Variants in ADGRD1 observed in about 807,000 individuals in gnomAD.
The protein encoded by ADGRD1 is G-protein coupled receptor 133.
ADGRD1 carries 77 observed loss-of-function variants against 113.4 expected under a neutral mutation model. The observed-to-expected ratio is 0.68, with a 90% CI of 0.57 to 0.82. The LOEUF (loss-of-function observed/expected upper bound fraction) is 0.82, where lower values mean the gene tolerates loss of function less well. ADGRD1 is among the 40% of genes least tolerant of loss of function. ADGRD1 has a pLI of 0.00. For missense variants in ADGRD1, 1,036 were observed against 1,139.1 expected, an observed-to-expected ratio of 0.91 and a Z score of 1.30; for synonymous variants, 474 against 475.0, an observed-to-expected ratio of 1.00 and a Z score of 0.03.
chr12:130,987,076 G>A lies in ADGRD1; in HGVS notation c.491-19G>A, dbSNP rs200668885. On this transcript the variant is annotated intron_variant, in intron 5 of 24. Transcript: ENST00000261654. Reference sequence around the variant, plus strand: ...TCATTCCCACAGTACTCAGAATGGCGATCTTCACTCTTTTCCAGGCCCCTA... The same window carrying A: ...TCATTCCCACAGTACTCAGAATGGCAATCTTCACTCTTTTCCAGGCCCCTA... 318 of 1,611,850 alleles carry A rather than the reference G, an allele frequency of 2.0e-4. 8 individuals carry two copies. The South Asian group carries it at 3.3e-3, about 17-fold the overall frequency.
At chr12:131,082,061 G>A (rs1397695858) in intron 14 of ADGRD1, among the ~76,000 whole-genome samples, 1 of 151,454 alleles carries the variant, frequency 6.6e-6, no homozygotes, top group Non-Finnish European at 1.5e-5. Flanking sequence ...ACGGTGGGAG[G>A]GTTTTTTATG....
At chr12:131,116,185 C>T (rs1950459122) in intron 18 of ADGRD1, among the ~76,000 whole-genome samples, 1 of 152,172 alleles carries the variant, frequency 6.6e-6, no homozygotes, top group Admixed American at 6.5e-5. Flanking sequence ...TTGTCCTTAC[C>T]CATGGCTTGG....
chr12:131,018,141 G>T (rs921018124), intron 13 of ADGRD1, among the ~76,000 whole-genome samples: 1 of 152,176 alleles, frequency 6.6e-6, no homozygotes, highest in Non-Finnish European at 1.5e-5. Context: ...CACAGAGCGG[G>T]TCTCCAGGGT....
chr12:131,020,431 G>A (rs1879196746), intron 13 of ADGRD1, among the ~76,000 whole-genome samples: 1 of 152,264 alleles, frequency 6.6e-6, no homozygotes, highest in Admixed American at 6.5e-5. Flanking sequence ...CCTCATGCAT[G>A]CCTAATAGCA....
intron 13 of ADGRD1, among the ~76,000 whole-genome samples, chr12:131,016,862 C>T (rs1878627737): frequency 6.7e-6 from 1 of 149,952 alleles, no homozygotes; most frequent in Non-Finnish European, 1.5e-5. Context: ...CAGTGCGTTC[C>T]AGCCTGGGCG....
rs750434225 is a variant in ADGRD1, at chr12:131,022,218, G to T, written c.1473+7878G>T. ...GTGAATGCTCATTGTTGCCGGTAAC[G>T]CTCACGTGGATGGCATGAGTGAGGT... On this transcript the variant is annotated intron_variant, in intron 13 of 24. Transcript: ENST00000261654. The surrounding 1 kb of genome is among the most constrained non-coding windows in gnomAD (Gnocchi z 4.6). 6.6e-6 allele frequency among the ~76,000 whole-genome samples: 1 copy of T among 152,098 alleles called. No homozygotes were observed. Among genetic ancestry groups the T allele is most frequent in the Non-Finnish European group, 1.5e-5 (1 of 68,042 alleles).
At chr12:131,023,429 C>G (rs1438322967) in intron 13 of ADGRD1, 1 of 152,148 alleles carries the variant, frequency 6.6e-6, no homozygotes, top group African/African-American at 2.4e-5. Context: ...TTCCCTGCAC[C>G]CTGTTCCCAC....
intron 13 of ADGRD1, among the ~76,000 whole-genome samples, chr12:131,068,288 T>C (rs1233101980): frequency 2.0e-5 from 3 of 152,188 alleles, no homozygotes; most frequent in African/African-American, 7.2e-5. Context: ...TTGTGTCTCA[T>C]GGGTGGCGCT....
At chr12:130,997,662 C>T (rs1566014685) in intron 8 of ADGRD1, among the ~76,000 whole-genome samples, 3 of 151,644 alleles carry the variant, frequency 2.0e-5, no homozygotes, top group South Asian at 2.1e-4. Context: ...CGGGAAGAGG[C>T]GCTCCTCATT....
At chr12:131,001,576 C>T (rs1876394868) in intron 9 of ADGRD1, among the ~76,000 whole-genome samples, 1 of 152,212 alleles carries the variant, frequency 6.6e-6, no homozygotes, top group Non-Finnish European at 1.5e-5. Flanking sequence ...GGCCAGGGTG[C>T]ACTGCAGTAA....
intron 14 of ADGRD1, among the ~76,000 whole-genome samples, chr12:131,078,384 G>T (rs1054714967): frequency 1.3e-5 from 2 of 152,232 alleles, no homozygotes; most frequent in Non-Finnish European, 2.9e-5. Flanking sequence ...TCATGCCTCT[G>T]CAATGTGGAT....
intron 13 of ADGRD1, among the ~76,000 whole-genome samples, chr12:131,034,319 T>C (rs1168387581): frequency 6.6e-6 from 1 of 152,230 alleles, no homozygotes; most frequent in Non-Finnish European, 1.5e-5. Flanking sequence ...TTGAATGGAA[T>C]GCTCTTCCCC....
chr12:131,064,627 A>G (rs922606897), intron 13 of ADGRD1, among the ~76,000 whole-genome samples: 2 of 152,250 alleles, frequency 1.3e-5, no homozygotes, highest in African/African-American at 4.8e-5. Flanking sequence ...AAACACTGTA[A>G]GGAAAAGTGT....
intron 2 of ADGRD1, among the ~76,000 whole-genome samples, chr12:130,959,768 A>G (rs1479139330): frequency 6.6e-6 from 1 of 152,164 alleles, no homozygotes; most frequent in African/African-American, 2.4e-5. Context: ...TACCATGTAG[A>G]GAGGTGTTTC....
intron 22 of ADGRD1, 47 bp downstream of exon 22, chr12:131,136,210 G>C: frequency 6.2e-7 from 1 of 1,606,620 alleles, no homozygotes; most frequent in Non-Finnish European, 8.5e-7. Flanking sequence ...CCAGCCATCA[G>C]GAGCAGGCTT....
intron 18 of ADGRD1, among the ~76,000 whole-genome samples, chr12:131,115,168 G>A (rs1366994390): frequency 6.6e-6 from 1 of 152,156 alleles, no homozygotes; most frequent in Non-Finnish European, 1.5e-5. Context: ...AAGAACAAAC[G>A]TCATTTTCCT....
At chr12:131,013,483 C>T (rs550202392) in intron 12 of ADGRD1, among the ~76,000 whole-genome samples, 77 of 152,248 alleles carry the variant, frequency 5.1e-4, no homozygotes, top group African/African-American at 1.7e-3. Context: ...CCCCCCACCT[C>T]GCCTTCTGGC....
rs934355325 is a variant in ADGRD1, at chr12:131,113,706, C to T, written c.2042-4679C>T. ...GTCATGCAGGGAGCTCCCCGAGTCA[C>T]CACGGACGTCCTCCGTCCTGCCTCA... On this transcript the variant is annotated intron_variant, in intron 18 of 24. Coordinates refer to ENST00000261654, the MANE Select transcript of ADGRD1 (RefSeq NM_198827.5). The surrounding 1 kb of genome is among the most constrained non-coding windows in gnomAD (Gnocchi z 4.9). Among the ~76,000 whole-genome samples the T allele has an allele frequency of 1.3e-5, 2 of 152,166 alleles. No individual in the cohort carries two copies. The highest frequency in any genetic ancestry group is 1.5e-5 in the Non-Finnish European group (1 of 68,036).
At chr12:131,029,688 C>G (rs748230325) in intron 13 of ADGRD1, among the ~76,000 whole-genome samples, 2 of 147,632 alleles carry the variant, frequency 1.4e-5, no homozygotes, top group African/African-American at 5.1e-5. Flanking sequence ...GGTGACATTC[C>G]CAGGCTCTGG....
Sources: gnomAD v4.1 joint callset for allele counts (sites outside exome capture counted in the v4.1 genomes callset) on GRCh38, gnomAD v4.1.1 for gene constraint, Gnocchi (gnomAD v3.1) non-coding constraint, MANE v1.5 for transcripts, NCBI Gene and HGNC (gene_info 2026-07-23, HGNC 2026-07-21) for gene names.